The following RARA variants were observed in gnomAD, a reference collection of about 807,000 sequenced individuals.
The protein encoded by RARA is retinoic acid receptor alpha, also known as PML-DDX5-RARA fusion.
Under a neutral mutation model 42.8 loss-of-function variants are expected in RARA, and 5 were observed. That is an observed-to-expected ratio of 0.12 (90% CI 0.06 to 0.25). The LOEUF is 0.25. RARA is among the 10% of genes least tolerant of loss of function. The probability of loss-of-function intolerance (pLI) is 1.00; values close to 1 mark genes in which losing one functional copy is unlikely to be tolerated. For missense variants in RARA, 402 were observed against 628.7 expected (o/e 0.64, Z 3.86); for synonymous variants, 256 against 259.5 (o/e 0.99, Z 0.13).
intron 2 of RARA, among the ~76,000 whole-genome samples, chr17:40,344,226 A>T (rs1353934825): frequency 6.6e-6 from 1 of 151,984 alleles, no homozygotes; most frequent in African/African-American, 2.4e-5. Flanking sequence ...AGCCACTTCT[A>T]TCCCAGCTTT....
chr17:40,343,632 T>C (rs570062889), intron 2 of RARA, among the ~76,000 whole-genome samples: 59 of 152,222 alleles, frequency 3.9e-4, no homozygotes, highest in African/African-American at 1.3e-3. Context: ...AATGAGTTTG[T>C]TTTTGTGGGT....
At chr17:40,337,945 G>A (rs1435060825) in intron 2 of RARA, among the ~76,000 whole-genome samples, 2 of 152,240 alleles carry the variant, frequency 1.3e-5, no homozygotes, top group Non-Finnish European at 2.9e-5. Context: ...GGTGGAGGGA[G>A]TGCTGCCTAG....
At chr17:40,323,753 AG>A (rs1395527233) in intron 1 of RARA, among the ~76,000 whole-genome samples, 6 of 26,588 alleles carry the variant, frequency 2.3e-4, no homozygotes, top group Admixed American at 1.4e-3. Context: ...AATGGGTCGG[AG>A]GGGGGGTATG....
rs1018633124 is a variant in RARA at position 40,320,477 on chromosome 17, G to T, written c.-362-10380G>T. Reference sequence around the variant, plus strand: ...GGACATTGTCTGAGTGGCCCCTCAGGTCTGTTTTGGGGACATTCACCCAGA... The same window carrying T: ...GGACATTGTCTGAGTGGCCCCTCAGTTCTGTTTTGGGGACATTCACCCAGA... On this transcript the variant is annotated intron_variant, in intron 1 of 8. Coordinates refer to ENST00000254066, the MANE Select transcript of RARA (RefSeq NM_000964.4). This position sits in a 1 kb window ranked among gnomAD's most constrained non-coding sequence, Gnocchi z 4.1. Among the ~76,000 whole-genome samples, 3 of 152,162 alleles carry T rather than the reference G, an allele frequency of 2.0e-5. No individual in the cohort carries two copies. The highest frequency in any genetic ancestry group is 6.5e-5 in the Admixed American group (1 of 15,282).
intron 2 of RARA, chr17:40,340,751 G>T (rs1011355808): frequency 2.5e-6 from 1 of 398,800 alleles, no homozygotes; most frequent in African/African-American, 2.1e-5. Flanking sequence ...CTTAATGGCT[G>T]TTGCTCCCTA....
At chr17:40,313,925 TG>T (rs2033142989) in intron 1 of RARA, among the ~76,000 whole-genome samples, 1 of 152,136 alleles carries the variant, frequency 6.6e-6, no homozygotes. Context: ...CCAACTCTTC[TG>T]GGACTTGCGG....
intron 6 of RARA, among the ~76,000 whole-genome samples, chr17:40,353,394 C>T (rs1164605027): frequency 6.6e-6 from 1 of 152,188 alleles, no homozygotes; most frequent in Non-Finnish European, 1.5e-5. Flanking sequence ...CACCTGTTCC[C>T]TCTTGGTCAC....
intron 2 of RARA, among the ~76,000 whole-genome samples, chr17:40,346,934 C>T (rs1021098090): frequency 6.6e-6 from 1 of 152,186 alleles, no homozygotes; most frequent in Non-Finnish European, 1.5e-5. Context: ...CCAGGAAAGC[C>T]CTGCCAAGGT....
At chr17:40,328,307 T>G (rs144953623) in intron 1 of RARA, among the ~76,000 whole-genome samples, 2 of 152,230 alleles carry the variant, frequency 1.3e-5, no homozygotes, top group Admixed American at 1.3e-4. Flanking sequence ...GAACCTAGTG[T>G]AGCCTGAGCT....
Position 40,350,043 on chromosome 17 carries a change from G to C in RARA, c.469+118G>C, listed in dbSNP as rs184368615. On this transcript the variant is annotated intron_variant, in intron 4 of 8. Transcript: ENST00000254066. The stretch of plus-strand genomic sequence containing the variant: ...GCACATGCATGAACACGCATGCCGT[G>C]GTGTGCGGGCTCACGGTTGAGGATG... 1.7e-4 allele frequency: 241 copies of C among 1,448,598 alleles called. 2 individuals are homozygous for C. In the East Asian group the frequency reaches 3.2e-3, roughly 19 times the overall value. The allele number at this position is 1,448,598 out of a possible 1,614,324, so 89.7% of individuals were successfully genotyped here. A position where few individuals can be genotyped will look rare whatever the true frequency, so the allele number is the denominator to read the frequency against.
At position 40,315,757 on chromosome 17, in the gene RARA, G is replaced by A. The variant is rs540378019; in HGVS notation, c.-363+6471G>A. 2.6e-5 allele frequency among the ~76,000 whole-genome samples: 4 copies of A among 152,286 alleles called. No individual in the cohort carries two copies. In the East Asian group the frequency reaches 7.7e-4, roughly 29 times the overall value. On this transcript the variant is annotated intron_variant, in intron 1 of 8. Transcript: ENST00000254066. Reference sequence around the variant, plus strand: ...TTATCTCTTTTGACTACTGAGAACTGCCACTGGCCCTGGTACCTGTCCAGA... The same window carrying A: ...TTATCTCTTTTGACTACTGAGAACTACCACTGGCCCTGGTACCTGTCCAGA...
chr17:40,342,424 C>T, intron 2 of RARA: 2 of 1,184,604 alleles, frequency 1.7e-6, no homozygotes, highest in Non-Finnish European at 1.0e-6. Flanking sequence ...CGAGGTGAAG[C>T]CGCTGAGTTC....
At chr17:40,319,481 G>A (rs1044729162) in intron 1 of RARA, among the ~76,000 whole-genome samples, 3 of 152,100 alleles carry the variant, frequency 2.0e-5, no homozygotes, top group Non-Finnish European at 4.4e-5. Context: ...GCACATATGT[G>A]TATGTAGATA....
intron 1 of RARA, among the ~76,000 whole-genome samples, chr17:40,314,708 G>C (rs2033158726): frequency 6.6e-6 from 1 of 152,048 alleles, no homozygotes; most frequent in African/African-American, 2.4e-5. Context: ...GTGCCTGCTG[G>C]GCATCACAGT....
chr17:40,347,055 C>G (rs907707497), intron 2 of RARA, among the ~76,000 whole-genome samples: 1 of 152,228 alleles, frequency 6.6e-6, no homozygotes, highest in Non-Finnish European at 1.5e-5. Flanking sequence ...TGCTTCCTTC[C>G]TCTGTGCCCC....
At chr17:40,342,777 C>T (rs748984306) in intron 2 of RARA, 1 of 1,612,660 alleles carries the variant, frequency 6.2e-7, no homozygotes, top group African/African-American at 1.3e-5. Flanking sequence ...TAACCAGAAC[C>T]GGGCCTGTTT....
chr17:40,313,579 G>A (rs1024531603), intron 1 of RARA, among the ~76,000 whole-genome samples: 7 of 152,118 alleles, frequency 4.6e-5, no homozygotes, highest in Non-Finnish European at 8.8e-5. Context: ...GTAGCCACAC[G>A]TGGTGCATCT....
intron 3 of RARA, chr17:40,349,267 C>G (rs777872773): frequency 1.7e-4 from 27 of 161,248 alleles, no homozygotes; most frequent in Non-Finnish European, 3.1e-4. Context: ...CAGCCTGGGT[C>G]TGTGTCTGTG....
At chr17:40,334,428 T>TG (rs985000585) in intron 2 of RARA, among the ~76,000 whole-genome samples, 1 of 152,210 alleles carries the variant, frequency 6.6e-6, no homozygotes, top group Admixed American at 6.5e-5. Context: ...TCCTCTTCTC[T>TG]GGGACAAGGT....
Sources: allele counts gnomAD v4.1 joint callset (sites outside exome capture counted in the v4.1 genomes callset), GRCh38; gene constraint gnomAD v4.1.1; non-coding constraint Gnocchi (gnomAD v3.1); transcripts MANE v1.5; gene names NCBI Gene and HGNC (gene_info 2026-07-23, HGNC 2026-07-21).